The following PPFIA2 variants were observed in gnomAD, a reference collection of about 807,000 sequenced individuals.
The protein encoded by PPFIA2 is PPFI scaffold protein A2, also known as liprin-alpha-2.
A neutral mutation model predicts 175.5 loss-of-function variants in PPFIA2; 46 were observed. The observed-to-expected ratio is 0.26, with a 90% CI of 0.21 to 0.34. PPFIA2 has a LOEUF of 0.34. Among genes scored for constraint, PPFIA2 ranks in the 10% least tolerant of loss-of-function variants. The probability of loss-of-function intolerance (pLI) is 1.00; values close to 1 mark genes in which losing one functional copy is unlikely to be tolerated. For missense variants in PPFIA2, 1,179 were observed against 1,506.1 expected, an observed-to-expected ratio of 0.78 and a Z score of 3.60; for synonymous variants, 568 against 511.4, an observed-to-expected ratio of 1.11 and a Z score of -1.49.
At chr12:81,559,168 TCTAA>T (rs1350276581) in intron 4 of PPFIA2, among the ~76,000 whole-genome samples, 1 of 152,202 alleles carries the variant, frequency 6.6e-6, no homozygotes, top group Non-Finnish European at 1.5e-5. Context: ...TTCAAGGTAC[TCTAA>T]CTGATAGAAA....
At chr12:81,637,198 T>C (rs1393626285) in intron 4 of PPFIA2, among the ~76,000 whole-genome samples, 2 of 146,854 alleles carry the variant, frequency 1.4e-5, no homozygotes, top group Non-Finnish European at 3.0e-5. Flanking sequence ...GCCTCCCAAG[T>C]AGCTGGGATT....
chr12:81,570,478 G>A (rs1274521233), intron 4 of PPFIA2, among the ~76,000 whole-genome samples: 1 of 151,900 alleles, frequency 6.6e-6, no homozygotes, highest in Non-Finnish European at 1.5e-5. Flanking sequence ...GAGCAGTAAG[G>A]GCTGCTGCTA....
intron 4 of PPFIA2, among the ~76,000 whole-genome samples, chr12:81,463,179 C>T (rs965975030): frequency 6.6e-6 from 1 of 151,858 alleles, no homozygotes; most frequent in Admixed American, 6.6e-5. Flanking sequence ...GATCTTTGTA[C>T]AGCAACATGG....
intron 22 of PPFIA2, among the ~76,000 whole-genome samples, chr12:81,313,702 A>C (rs921829494): frequency 6.6e-6 from 1 of 152,108 alleles, no homozygotes; most frequent in Non-Finnish European, 1.5e-5. Flanking sequence ...CTCTGAAAAA[A>C]TAGGCAATTT....
intron 3 of PPFIA2, among the ~76,000 whole-genome samples, chr12:81,739,043 T>A (rs956219158): frequency 6.6e-6 from 1 of 151,944 alleles, no homozygotes; most frequent in African/African-American, 2.4e-5. Flanking sequence ...CACGAAGTTA[T>A]ACATATGATA....
At chr12:81,566,256 G>C (rs2071257852) in intron 4 of PPFIA2, among the ~76,000 whole-genome samples, 1 of 152,138 alleles carries the variant, frequency 6.6e-6, no homozygotes, top group African/African-American at 2.4e-5. Flanking sequence ...GGGCACGGTG[G>C]CTCATGCCTG....
At chr12:81,555,039 A>AT (rs1046054904) in intron 4 of PPFIA2, among the ~76,000 whole-genome samples, 3 of 151,940 alleles carry the variant, frequency 2.0e-5, no homozygotes, top group Non-Finnish European at 4.4e-5. Context: ...TTACAACAGC[A>AT]TTTTTCAAAG....
At chr12:81,682,388 A>G (rs1418493504) in intron 3 of PPFIA2, among the ~76,000 whole-genome samples, 1 of 152,074 alleles carries the variant, frequency 6.6e-6, no homozygotes, top group Non-Finnish European at 1.5e-5. Flanking sequence ...TATATTGTTT[A>G]AGTCACTCAG....
At chr12:81,666,670 G>C (rs913797805) in intron 4 of PPFIA2, among the ~76,000 whole-genome samples, 2 of 152,022 alleles carry the variant, frequency 1.3e-5, no homozygotes, top group African/African-American at 2.4e-5. Context: ...TAATTGACGA[G>C]TTACTGGGTG....
intron 9 of PPFIA2, among the ~76,000 whole-genome samples, chr12:81,379,284 T>G (rs1021838845): frequency 1.3e-5 from 2 of 152,190 alleles, no homozygotes; most frequent in African/African-American, 4.8e-5. Context: ...AAAGATTCAA[T>G]GATCTCTTGA....
chr12:81,708,767 C>A (rs2077521361), intron 3 of PPFIA2, among the ~76,000 whole-genome samples: 1 of 152,144 alleles, frequency 6.6e-6, no homozygotes, highest in Non-Finnish European at 1.5e-5. Context: ...TACTAATGAA[C>A]ATAATCACTG....
chr12:81,567,242 G>T (rs1479800150), intron 4 of PPFIA2, among the ~76,000 whole-genome samples: 1 of 151,996 alleles, frequency 6.6e-6, no homozygotes, highest in Non-Finnish European at 1.5e-5. Flanking sequence ...GTAGAGATGG[G>T]GTTTCACCGT....
intron 22 of PPFIA2, among the ~76,000 whole-genome samples, chr12:81,301,218 A>G (rs552320696): frequency 9.2e-5 from 14 of 152,202 alleles, no homozygotes; most frequent in South Asian, 4.1e-4. Flanking sequence ...TACGTGGAAG[A>G]AAATTTAGGG....
At chr12:81,435,330 T>G (rs1472934145) in intron 7 of PPFIA2, among the ~76,000 whole-genome samples, 1 of 152,178 alleles carries the variant, frequency 6.6e-6, no homozygotes, top group Non-Finnish European at 1.5e-5. Context: ...ATACAATAAT[T>G]AACAAAGCCC....
chr12:81,508,319 C>T (rs562013603), intron 4 of PPFIA2, among the ~76,000 whole-genome samples: 5 of 151,656 alleles, frequency 3.3e-5, no homozygotes, highest in African/African-American at 4.8e-5. Flanking sequence ...GTCGGGAGGT[C>T]GAGACCAGCC....
rs557021351 is a variant in PPFIA2, at chr12:81,282,321, T to C, written c.3018+689A>G. Among the ~76,000 whole-genome samples, 232 of 152,172 alleles carry C rather than the reference T, an allele frequency of 1.5e-3. 1 individual carries two copies. Among genetic ancestry groups the C allele is most frequent in the African/African-American group, 5.2e-3 (215 of 41,542 alleles). On this transcript the variant is annotated intron_variant, in intron 26 of 32. Coordinates refer to ENST00000549396, the MANE Select transcript of PPFIA2 (RefSeq NM_003625.5). ...TTCTTTTGTGTGTTCTCAAGAACAA[T>C]GAAATTTTTATCAAAATCAAAATCA... is the stretch of plus-strand genomic sequence containing the variant.
In PPFIA2 at chr12:81,706,865, C is replaced by T. The variant is rs920581626; in HGVS notation, c.250-30021G>A. On this transcript the variant is annotated intron_variant, in intron 3 of 32. Coordinates refer to ENST00000549396, the MANE Select transcript of PPFIA2 (RefSeq NM_003625.5). ...AGAACAGAGCCCTCAGAAATAACAC[C>T]GCATATCTACAACTATCTGATCTTT... is the stretch of plus-strand genomic sequence containing the variant. Among the ~76,000 whole-genome samples, 16 of 152,236 alleles carry T rather than the reference C, an allele frequency of 1.1e-4. No homozygotes were observed. The South Asian group carries it at 1.5e-3, about 14-fold the overall frequency.
intron 4 of PPFIA2, among the ~76,000 whole-genome samples, chr12:81,514,645 C>T (rs1348439876): frequency 6.6e-6 from 1 of 151,838 alleles, no homozygotes; most frequent in African/African-American, 2.4e-5. Context: ...ATTTGGTATG[C>T]TTAAATCATG....
rs143418336 is a variant in PPFIA2 at position 81,377,685 on chromosome 12, C to T, written c.985-1743G>A. Among the ~76,000 whole-genome samples, 22 of 152,258 alleles carry T rather than the reference C, an allele frequency of 1.4e-4. No homozygotes were observed. The East Asian group carries it at 2.9e-3, about 20-fold the overall frequency. On this transcript the variant is annotated intron_variant, in intron 9 of 32. Coordinates refer to ENST00000549396, the MANE Select transcript of PPFIA2 (RefSeq NM_003625.5). ...TTTTATTCTCCTTACTTTTCCTCCA[C>T]GCTGCTGCCTGAGAGATATTTCTAA...
Sources: allele counts gnomAD v4.1 joint callset (sites outside exome capture counted in the v4.1 genomes callset), GRCh38; gene constraint gnomAD v4.1.1; transcripts MANE v1.5; gene names NCBI Gene and HGNC (gene_info 2026-07-23, HGNC 2026-07-21).